The following ATP8B4 variants were observed in gnomAD, a reference collection of about 807,000 sequenced individuals.
The protein encoded by ATP8B4 is probable phospholipid-transporting ATPase IM.
ATP8B4 carries 133 observed loss-of-function variants against 145.6 expected under a neutral mutation model. The observed-to-expected ratio is 0.91, with a 90% CI of 0.79 to 1.05. ATP8B4 has a LOEUF of 1.05. ATP8B4 is among the 50% of genes least tolerant of loss of function. The pLI, the probability that ATP8B4 is intolerant of heterozygous loss-of-function variation, is 0.00. For missense variants in ATP8B4, 1,458 were observed against 1,425.2 expected (o/e 1.02, Z -0.37); for synonymous variants, 507 against 492.9 (o/e 1.03, Z -0.38).
chr15:50,075,006 T>A (rs1212701231), intron 2 of ATP8B4, among the ~76,000 whole-genome samples: 1 of 152,164 alleles, frequency 6.6e-6, no homozygotes, highest in Non-Finnish European at 1.5e-5. Flanking sequence ...CAGATGTCAA[T>A]GCTGGATTCT....
At chr15:50,060,984 G>A (rs141474815) in intron 3 of ATP8B4, among the ~76,000 whole-genome samples, 1 of 152,226 alleles carries the variant, frequency 6.6e-6, no homozygotes, top group East Asian at 1.9e-4. Flanking sequence ...ACAAATCCAA[G>A]GGAGTCCCAT....
intron 16 of ATP8B4, among the ~76,000 whole-genome samples, chr15:49,927,123 AT>A (rs1822225001): frequency 1.3e-5 from 2 of 152,120 alleles, no homozygotes; most frequent in Non-Finnish European, 2.9e-5. Flanking sequence ...AAACTATATA[AT>A]GTCATTTATA....
intron 13 of ATP8B4, among the ~76,000 whole-genome samples, chr15:49,966,987 G>A (rs1374046803): frequency 6.6e-6 from 1 of 152,236 alleles, no homozygotes; most frequent in Non-Finnish European, 1.5e-5. Flanking sequence ...AGGGTCTGGA[G>A]TGGACCTCCA....
At chr15:50,017,000 A>C (rs147008879) in intron 6 of ATP8B4, among the ~76,000 whole-genome samples, 1 of 152,040 alleles carries the variant, frequency 6.6e-6, no homozygotes, top group Non-Finnish European at 1.5e-5. Context: ...TCCCGCCTCA[A>C]CCTCCCAAAG....
At chr15:50,085,936 T>A (rs1206386273) in intron 2 of ATP8B4, among the ~76,000 whole-genome samples, 159 of 76,794 alleles carry the variant, frequency 2.1e-3, no homozygotes, top group African/African-American at 2.9e-3. Context: ...ATCATATATA[T>A]TTATATATGA....
intron 20 of ATP8B4, among the ~76,000 whole-genome samples, chr15:49,914,292 G>A (rs1306089878): frequency 1.3e-5 from 2 of 152,008 alleles, no homozygotes; most frequent in Non-Finnish European, 2.9e-5. Context: ...GAATGAAACT[G>A]GACCCCTAAC....
intron 8 of ATP8B4, among the ~76,000 whole-genome samples, chr15:49,999,228 T>C (rs2047686399): frequency 1.3e-5 from 2 of 152,002 alleles, no homozygotes; most frequent in South Asian, 4.1e-4. Flanking sequence ...GTTCATGTCC[T>C]TTGTAGGGAC....
At chr15:50,166,395 A>C (rs2044599076) in intron 1 of ATP8B4, among the ~76,000 whole-genome samples, 1 of 152,222 alleles carries the variant, frequency 6.6e-6, no homozygotes, top group Non-Finnish European at 1.5e-5. Context: ...TTAGCAATAG[A>C]AAGTAGCTAT....
chr15:49,966,990 G>A (rs4497628), intron 13 of ATP8B4, among the ~76,000 whole-genome samples: 19,452 of 152,144 alleles, frequency 0.13, 1,659 homozygotes, highest in East Asian at 0.34. Context: ...GTCTGGAGTG[G>A]ACCTCCAGCA....
chr15:49,883,309 A>G (rs1190634788), intron 23 of ATP8B4: 9 of 152,164 alleles, frequency 5.9e-5, no homozygotes, highest in Non-Finnish European at 1.3e-4. Context: ...ATCATCACAA[A>G]TGGGCTCGCA....
chr15:49,956,410 G>A (rs2043565683), intron 14 of ATP8B4, among the ~76,000 whole-genome samples: 1 of 152,070 alleles, frequency 6.6e-6, no homozygotes, highest in Non-Finnish European at 1.5e-5. Context: ...TAAAATAAGT[G>A]TATATATTAT....
intron 1 of ATP8B4, among the ~76,000 whole-genome samples, chr15:50,136,178 C>T (rs893070057): frequency 8.5e-5 from 13 of 152,202 alleles, no homozygotes; most frequent in African/African-American, 2.6e-4. Flanking sequence ...TTATGAGGGC[C>T]GTGTGTCTGG....
At chr15:50,120,914 G>T (rs1338976258), upstream of ATP8B4, among the ~76,000 whole-genome samples, 1 of 152,086 alleles carries the variant, frequency 6.6e-6, no homozygotes, top group African/African-American at 2.4e-5. Flanking sequence ...TCTGTAAAAA[G>T]ATGATCATTA....
rs1218175167 is a variant in ATP8B4 at position 49,932,476 on chromosome 15, G to A, written c.1454-1169C>T. 2.6e-5 allele frequency among the ~76,000 whole-genome samples: 4 copies of A among 151,988 alleles called. No individual in the cohort carries two copies. The East Asian group carries it at 7.7e-4, about 29-fold the overall frequency. ...TAAAGCAATTACTTGATCTACCCAC[G>A]AAATAACATAAGTTCTACTTCTGGT... is the stretch of plus-strand genomic sequence containing the variant. On this transcript the variant is annotated intron_variant, in intron 15 of 27. Coordinates refer to ENST00000284509, the MANE Select transcript of ATP8B4 (RefSeq NM_024837.4).
At chr15:50,024,491 T>C (rs1186843203) in intron 6 of ATP8B4, among the ~76,000 whole-genome samples, 3 of 152,150 alleles carry the variant, frequency 2.0e-5, no homozygotes, top group African/African-American at 4.8e-5. Flanking sequence ...GCCTTAAATT[T>C]AGCAGTGTGA....
chr15:49,951,224 A>G (rs1331226615), intron 14 of ATP8B4, among the ~76,000 whole-genome samples: 2 of 152,236 alleles, frequency 1.3e-5, no homozygotes, highest in Non-Finnish European at 2.9e-5. Flanking sequence ...CACTTGATCC[A>G]GAGCTGAGTT....
At chr15:49,919,791 G>A (rs565995672) in intron 18 of ATP8B4, among the ~76,000 whole-genome samples, 25 of 152,246 alleles carry the variant, frequency 1.6e-4, no homozygotes, top group Non-Finnish European at 2.8e-4. Flanking sequence ...CTGGCCACTG[G>A]GGCTTCAGGT....
intron 1 of ATP8B4, among the ~76,000 whole-genome samples, chr15:50,162,066 C>CA (rs1342938982): frequency 6.6e-6 from 1 of 152,018 alleles, no homozygotes; most frequent in Non-Finnish European, 1.5e-5. Context: ...TTTTTACCTT[C>CA]AGCACTTTAA....
chr15:50,145,226 G>T (rs1345976757), intron 1 of ATP8B4, among the ~76,000 whole-genome samples: 1 of 152,162 alleles, frequency 6.6e-6, no homozygotes, highest in Non-Finnish European at 1.5e-5. Flanking sequence ...TCAATAAAGA[G>T]ATTTTAATTA....
Sources: gnomAD v4.1 joint callset for allele counts (sites outside exome capture counted in the v4.1 genomes callset) on GRCh38, gnomAD v4.1.1 for gene constraint, MANE v1.5 for transcripts, NCBI Gene and HGNC (gene_info 2026-07-23, HGNC 2026-07-21) for gene names.